DIS3L2: variants seen among roughly 807,000 people sequenced by gnomAD.
DIS3L2 encodes DIS3-like exonuclease 2.
Under a neutral mutation model 97.5 loss-of-function variants are expected in DIS3L2, and 34 were observed. That is an observed-to-expected ratio of 0.35 (90% CI 0.27 to 0.46). DIS3L2 has a LOEUF of 0.46. Ranked by LOEUF, DIS3L2 falls within the 20% of genes least tolerant of loss-of-function variation. The pLI is 1.00. For missense variants in DIS3L2, 1,038 were observed against 1,146.0 expected (o/e 0.91, Z 1.36); for synonymous variants, 435 against 445.2 (o/e 0.98, Z 0.29).
chr2:232,104,769 T>C (rs1334675614), intron 6 of DIS3L2, among the ~76,000 whole-genome samples: 1 of 152,194 alleles, frequency 6.6e-6, no homozygotes, highest in African/African-American at 2.4e-5. Flanking sequence ...TGAATAATAT[T>C]CCATTATATT....
At position 232,087,574 on chromosome 2, in the gene DIS3L2, C is replaced by G. The variant is rs748219715; in HGVS notation, c.454C>G (p.Gln152Glu). 1 of 1,614,082 alleles carries G rather than the reference C, an allele frequency of 6.2e-7. No individual in the cohort carries two copies. The highest frequency in any genetic ancestry group is 2.2e-5 in the East Asian group (1 of 44,878). ...PEELCGHHLP[Q>E]QSLKSYNDSP... is the part of the protein sequence containing the mutation. ...GGAGCTCTGTGGACACCATCTCCCG[C>G]AACAGTCCCTGAAAAGCTATAATGA... Residue 152 changes from glutamine (Q) to glutamate (E), a missense_variant, in exon 6 of 21, where the codon CAA (glutamine) becomes GAA (glutamate). Gln to Glu is a conservative substitution (Grantham distance 29). Around this residue, in one of 3 missense-constraint regions of DIS3L2, gnomAD observed 813 missense variants for 880.1 expected, o/e 0.92. Transcript: ENST00000325385.
At chr2:232,310,529 A>G (rs935732824) in intron 14 of DIS3L2, among the ~76,000 whole-genome samples, 7 of 152,124 alleles carry the variant, frequency 4.6e-5, no homozygotes, top group African/African-American at 1.7e-4. Context: ...CTCTCTTCTC[A>G]CCTCACTCCG....
At chr2:232,002,193 T>A (rs567225116) in intron 1 of DIS3L2, among the ~76,000 whole-genome samples, 1 of 152,298 alleles carries the variant, frequency 6.6e-6, no homozygotes, top group African/African-American at 2.4e-5. Flanking sequence ...AAATGTGCTT[T>A]TTTATTTCTG....
chr2:232,176,642 G>T (rs1691164860), intron 9 of DIS3L2, among the ~76,000 whole-genome samples: 1 of 151,574 alleles, frequency 6.6e-6, no homozygotes, highest in African/African-American at 2.4e-5. Flanking sequence ...AGGCTGGAGT[G>T]CAGTTGTGCA....
At chr2:232,003,507 C>T (rs1470207486) in intron 1 of DIS3L2, among the ~76,000 whole-genome samples, 2 of 152,188 alleles carry the variant, frequency 1.3e-5, no homozygotes, top group East Asian at 1.9e-4. Context: ...CAACTTTACT[C>T]ATGTATAATT....
At chr2:232,236,258 A>G (rs1448394446) in intron 10 of DIS3L2, among the ~76,000 whole-genome samples, 1 of 152,188 alleles carries the variant, frequency 6.6e-6, no homozygotes, top group Non-Finnish European at 1.5e-5. Context: ...TAGGAGGATA[A>G]TAAGTAGCTA....
chr2:232,241,976 A>G (rs946460903), intron 11 of DIS3L2, among the ~76,000 whole-genome samples: 2 of 152,228 alleles, frequency 1.3e-5, no homozygotes, highest in African/African-American at 2.4e-5. Context: ...GTACTGCTTT[A>G]TAATAGAGAT....
intron 7 of DIS3L2, 117 bp downstream of exon 7, chr2:232,130,836 G>A: frequency 7.6e-7 from 1 of 1,319,920 alleles, no homozygotes; most frequent in Non-Finnish European, 9.9e-7. Context: ...AAAAGTTAGA[G>A]CAGAGAATCA....
rs1342597092 is a variant in DIS3L2 at position 232,160,565 on chromosome 2, T to C, written c.951-2894T>C. 2.0e-5 allele frequency among the ~76,000 whole-genome samples: 3 copies of C among 152,106 alleles called. No homozygotes were observed. The East Asian group carries it at 5.8e-4, about 29-fold the overall frequency. ...ATCAGTCAGGCTAGAAATTTATCTGTTTTTCTCTTTTCAAAGAATTAGCTT... is the reference window on the plus strand; with the variant it reads ...ATCAGTCAGGCTAGAAATTTATCTGCTTTTCTCTTTTCAAAGAATTAGCTT... On this transcript the variant is annotated intron_variant, in intron 8 of 20. Coordinates refer to ENST00000325385, the MANE Select transcript of DIS3L2 (RefSeq NM_152383.5).
intron 11 of DIS3L2, among the ~76,000 whole-genome samples, chr2:232,247,829 T>C (rs1341915550): frequency 6.6e-6 from 1 of 152,214 alleles, no homozygotes; most frequent in African/African-American, 2.4e-5. Flanking sequence ...TGGATTACAT[T>C]CTAATGCATC....
rs191957937 is a variant in DIS3L2 at position 232,165,940 on chromosome 2, A to C, written c.1124+2308A>C. On this transcript the variant is annotated intron_variant, in intron 9 of 20. Coordinates refer to ENST00000325385, the MANE Select transcript of DIS3L2 (RefSeq NM_152383.5). ...TTTAGCCTACTGGTAAATAATAAGCATGTTAGTAGTTATGGGGCCCAATAT... is the reference window on the plus strand; with the variant it reads ...TTTAGCCTACTGGTAAATAATAAGCCTGTTAGTAGTTATGGGGCCCAATAT... Among the ~76,000 whole-genome samples, 4 of 152,158 alleles carry C rather than the reference A, an allele frequency of 2.6e-5. No individual in the cohort carries two copies. The East Asian group carries it at 7.7e-4, about 29-fold the overall frequency.
intron 9 of DIS3L2, among the ~76,000 whole-genome samples, chr2:232,172,296 C>G (rs907015365): frequency 6.6e-6 from 1 of 152,156 alleles, no homozygotes; most frequent in African/African-American, 2.4e-5. Flanking sequence ...AGTCACTCCT[C>G]ATTCCCTCTC....
intron 14 of DIS3L2, among the ~76,000 whole-genome samples, chr2:232,319,055 C>T (rs1304410563): frequency 6.6e-6 from 1 of 152,208 alleles, no homozygotes; most frequent in Non-Finnish European, 1.5e-5. Context: ...CCTCCATACC[C>T]AGCAGGGAGG....
At chr2:232,077,915 T>A (rs1296444115) in intron 5 of DIS3L2, among the ~76,000 whole-genome samples, 1 of 152,134 alleles carries the variant, frequency 6.6e-6, no homozygotes, top group Non-Finnish European at 1.5e-5. Flanking sequence ...CTGTACTTTG[T>A]TATAGAGTAT....
chr2:232,153,876 A>G (rs1023773475), intron 8 of DIS3L2, among the ~76,000 whole-genome samples: 2 of 152,000 alleles, frequency 1.3e-5, no homozygotes, highest in Admixed American at 6.6e-5. Flanking sequence ...ACATAGTCCC[A>G]TATTTCTTGG....
At chr2:232,030,656 G>GATAT (rs1424945452) in intron 5 of DIS3L2, among the ~76,000 whole-genome samples, 2 of 152,200 alleles carry the variant, frequency 1.3e-5, no homozygotes, top group African/African-American at 4.8e-5. Flanking sequence ...TGGAAAGGAA[G>GATAT]ATATGGTTTT....
intron 6 of DIS3L2, among the ~76,000 whole-genome samples, chr2:232,093,280 A>T (rs1696899232): frequency 6.6e-6 from 1 of 151,994 alleles, no homozygotes; most frequent in African/African-American, 2.4e-5. Flanking sequence ...GTGTTGTTGA[A>T]TTTTATTTGC....
At chr2:232,319,973 G>T (rs73092141) in intron 14 of DIS3L2, among the ~76,000 whole-genome samples, 17,337 of 152,202 alleles carry the variant, frequency 0.11, 1,456 homozygotes, top group African/African-American at 0.24. Context: ...AAGGGCTGAA[G>T]TCTTCACACA....
intron 9 of DIS3L2, among the ~76,000 whole-genome samples, chr2:232,180,038 A>G (rs2106182325): frequency 9.4e-6 from 1 of 106,254 alleles, no homozygotes; most frequent in South Asian, 3.6e-4. Flanking sequence ...TTCAAAGAAC[A>G]TCTTTATTTC....
Sources: allele counts gnomAD v4.1 joint callset (sites outside exome capture counted in the v4.1 genomes callset), GRCh38; gene constraint gnomAD v4.1.1; regional missense constraint gnomAD v4.1.1; transcripts MANE v1.5; gene names NCBI Gene and HGNC (gene_info 2026-07-23, HGNC 2026-07-21).